Variants in PROX2 observed in about 807,000 individuals in gnomAD.
PROX2 encodes the protein prospero homeobox protein 2.
PROX2 carries 46 observed loss-of-function variants against 48.9 expected under a neutral mutation model. The observed-to-expected ratio is 0.94, with a 90% CI of 0.74 to 1.20. PROX2 has a LOEUF of 1.20. Ranked by LOEUF, PROX2 falls within the 50% of genes most tolerant of loss-of-function variation. PROX2 has a pLI of 0.00. For missense variants in PROX2, 663 were observed against 719.4 expected, an observed-to-expected ratio of 0.92 and a Z score of 0.90; for synonymous variants, 260 against 276.6, an observed-to-expected ratio of 0.94 and a Z score of 0.60.
rs2091822620 is a variant in PROX2, at chr14:74,863,874, T to C, written c.-40A>G. 2 of 1,448,472 alleles carry C rather than the reference T, an allele frequency of 1.4e-6. No individual in the cohort carries two copies. Among genetic ancestry groups the C allele is most frequent in the Non-Finnish European group, 1.8e-6 (2 of 1,108,332 alleles). The allele number at this position is 1,448,472 out of a possible 1,614,324, so 89.7% of individuals were successfully genotyped here. Reference sequence around the variant, plus strand: ...CAGGGCTTCAGGAATTCCTCCTCCTTATTTCCTCAGCTGGAAGTGCACCCA... The same window carrying C: ...CAGGGCTTCAGGAATTCCTCCTCCTCATTTCCTCAGCTGGAAGTGCACCCA... On this transcript the variant is annotated 5_prime_UTR_variant, in exon 3 of 6. It adds an upstream start codon to the 5' untranslated region. Coordinates refer to ENST00000556489, the MANE Select transcript of PROX2 (RefSeq NM_001243007.2).
chr14:74,855,640 CT>C, intron 5 of PROX2: 1 of 186,842 alleles, frequency 5.4e-6, no homozygotes, highest in Non-Finnish European at 1.1e-5. Flanking sequence ...CTTCGGTATT[CT>C]TTTCCCTAGT....
rs993136192 is a variant in PROX2, at chr14:74,863,957, G to A, written c.-123C>T. ...AGGGTAAAGAGCCACTGTCACTGAG[G>A]AAGGATTCAGATTCTGGGATGCCAG... On this transcript the variant is annotated 5_prime_UTR_variant, in exon 3 of 6. Coordinates refer to ENST00000556489, the MANE Select transcript of PROX2 (RefSeq NM_001243007.2). 5 of 1,217,312 alleles carry A rather than the reference G, an allele frequency of 4.1e-6. No individual in the cohort carries two copies. The highest frequency in any genetic ancestry group is 1.6e-5 in the African/African-American group (1 of 64,186). The allele number at this position is 1,217,312 out of a possible 1,614,324, so 75.4% of individuals were successfully genotyped here. A position where few individuals can be genotyped will look rare whatever the true frequency, so the allele number is the denominator to read the frequency against.
At chr14:74,856,623 C>G in intron 5 of PROX2, 178 bp downstream of exon 5, 1 of 591,978 alleles carries the variant, frequency 1.7e-6, no homozygotes, top group Non-Finnish European at 3.0e-6. Context: ...GCTGCTTCCA[C>G]CTGTTGCCCA....
rs575076500 is a variant in PROX2, at chr14:74,853,594, T to A, written c.*1538A>T. 6.6e-4 allele frequency: 101 copies of A among 152,330 alleles called. No individual in the cohort carries two copies. The highest frequency in any genetic ancestry group is 2.4e-3 in the African/African-American group (99 of 41,570). 9.4% of individuals were successfully genotyped at this position (152,330 alleles called of 1,614,324 possible). Reference sequence around the variant, plus strand: ...CTTTCATACTTTTTATGCTGATAGTTCTAGTAATAGTTTAGGGATTTTATC... The same window carrying A: ...CTTTCATACTTTTTATGCTGATAGTACTAGTAATAGTTTAGGGATTTTATC... On this transcript the variant is annotated 3_prime_UTR_variant, in exon 6 of 6. Transcript: ENST00000556489.
chr14:74,862,857 C>T lies in PROX2; in HGVS notation c.978G>A (p.Gln326=), dbSNP rs1227092633. ...TCAAGGGAAAGTTTGCTGGGGGATCCTGACAGGGTTTGGGGGTCATTCTTG... is the reference window on the plus strand; with the variant it reads ...TCAAGGGAAAGTTTGCTGGGGGATCTTGACAGGGTTTGGGGGTCATTCTTG... ...IPPRMTPKPC[Q]DPPANFPLTA... Residue 326 remains glutamine (Q), a synonymous_variant, in exon 3 of 6, where the codon CAG becomes CAA. Transcript: ENST00000556489. The T allele has an allele frequency of 1.2e-6, 2 of 1,613,864 alleles. No homozygotes were observed. Among genetic ancestry groups the T allele is most frequent in the Admixed American group, 1.7e-5 (1 of 60,024 alleles).
Position 74,862,674 on chromosome 14 carries a change from C to T in PROX2, c.1161G>A (p.Pro387=), listed in dbSNP as rs747207210. The T allele has an allele frequency of 9.3e-6, 15 of 1,613,852 alleles. No homozygotes were observed. Among genetic ancestry groups the T allele is most frequent in the Middle Eastern group, 1.6e-4 (1 of 6,084 alleles). Residue 387 remains proline (P), a synonymous_variant, in exon 3 of 6, where the codon CCG becomes CCA. Transcript: ENST00000556489. ...GCTGCTGGCTCAGGACCAATGGTTG[C>T]GGCTTAGTAGTTCTCCAAGGTCGTA... is the stretch of plus-strand genomic sequence containing the variant. The part of the protein sequence containing the change: ...PALRPWRTTK[P]QPLVLSQQQC...
chr14:74,858,535 A>G lies in PROX2; in HGVS notation c.1306-21T>C, dbSNP rs1342917079. On this transcript the variant is annotated intron_variant, in intron 3 of 5. Transcript: ENST00000556489. ...TGGATTTATCTCAGTGTCAAGGAAAATGAACACTTTAAAATGCCAGTTTAT... is the reference window on the plus strand; with the variant it reads ...TGGATTTATCTCAGTGTCAAGGAAAGTGAACACTTTAAAATGCCAGTTTAT... The G allele has an allele frequency of 3.0e-6, 4 of 1,326,274 alleles. No homozygotes were observed. The African/African-American group carries it at 5.8e-5, about 19-fold the overall frequency. The allele number at this position is 1,326,274 out of a possible 1,614,324, so 82.2% of individuals were successfully genotyped here.
At position 74,862,463 on chromosome 14, in the gene PROX2, G is replaced by A. The variant is rs1051082763; in HGVS notation, c.1305+67C>T. 1.4e-5 allele frequency: 21 copies of A among 1,538,232 alleles called. No individual in the cohort carries two copies. The Middle Eastern group carries it at 7.1e-4, about 52-fold the overall frequency. On this transcript the variant is annotated intron_variant, in intron 3 of 5. Coordinates refer to ENST00000556489, the MANE Select transcript of PROX2 (RefSeq NM_001243007.2). ...CCCACCTTGGCCTCCCAAAGCACTG[G>A]GATTACAAGCATGAGCCACACTGCA...
Position 74,862,937 on chromosome 14 carries a change from C to T in PROX2, c.898G>A (p.Val300Ile). ...RRVQLQAGVP[V>I]GNLSLAKRLD... The stretch of plus-strand genomic sequence containing the variant: ...CGCTTGGCCAGTGATAAATTTCCTA[C>T]TGGGACCCCAGCTTGTAGCTGGACC... Residue 300 changes from valine (V) to isoleucine (I), a missense_variant, in exon 3 of 6, where the codon GTA becomes ATA. Transcript: ENST00000556489. 1 of 1,613,962 alleles carries T rather than the reference C, an allele frequency of 6.2e-7. No homozygotes were observed. Among genetic ancestry groups the T allele is most frequent in the Non-Finnish European group, 8.5e-7 (1 of 1,179,852 alleles).
chr14:74,870,439 A>AAACACACACACACACAC (rs766736707), intron 2 of PROX2, among the ~76,000 whole-genome samples: 2 of 29,936 alleles, frequency 6.7e-5, no homozygotes, highest in Non-Finnish European at 6.1e-5. Flanking sequence ...AAAAAAAAAA[A>AAACACACACACACACAC]ATACACACAC....
chr14:74,868,196 G>C (rs1883112971), intron 2 of PROX2, among the ~76,000 whole-genome samples: 1 of 151,306 alleles, frequency 6.6e-6, no homozygotes, highest in African/African-American at 2.4e-5. Context: ...AATGTATTAA[G>C]AGGAAAAGAA....
At chr14:74,858,651 G>C in intron 3 of PROX2, 137 bp from the exon 4 acceptor site, 1 of 600,546 alleles carries the variant, frequency 1.7e-6, no homozygotes, top group East Asian at 2.8e-5. Context: ...CCATTTTTCT[G>C]TCTCTGGAAA....
rs774127039 is a variant in PROX2 at position 74,863,578 on chromosome 14, T to A, written c.257A>T (p.Asn86Ile). 6.2e-6 allele frequency: 10 copies of A among 1,612,876 alleles called. No homozygotes were observed. The highest frequency in any genetic ancestry group is 1.7e-4 in the Middle Eastern group (1 of 6,052). Residue 86 changes from asparagine (N) to isoleucine (I), a missense_variant, in exon 3 of 6, where the codon AAT becomes ATT. By Grantham distance (149) the Asn-to-Ile change is moderately radical (BLOSUM62 -3). Coordinates refer to ENST00000556489, the MANE Select transcript of PROX2 (RefSeq NM_001243007.2). ...GCGTGGGCTGACCCCAGCTTGCGCA[T>A]TGCCTGGCACCAGAGGATTCGGGGA... Reference protein sequence around the residue: ...CLSPNPLVPGNAQAGVSPRCP... With the variant: ...CLSPNPLVPGIAQAGVSPRCP...
intron 3 of PROX2, among the ~76,000 whole-genome samples, chr14:74,860,880 T>A (rs2091789771): frequency 6.6e-6 from 1 of 152,160 alleles, no homozygotes; most frequent in Non-Finnish European, 1.5e-5. Context: ...TCTGGGAGAC[T>A]GAGGTGTTTT....
intron 5 of PROX2, 69 bp from the exon 6 acceptor site, chr14:74,855,371 C>T (rs1162147606): frequency 1.5e-6 from 2 of 1,314,402 alleles, no homozygotes; most frequent in African/African-American, 2.9e-5. Flanking sequence ...CCAGAGCCCT[C>T]ACTAGCGGGT....
In PROX2 at chr14:74,863,174, C is replaced by T; in HGVS notation, c.661G>A (p.Ala221Thr). 1 of 1,614,056 alleles carries T rather than the reference C, an allele frequency of 6.2e-7. No individual in the cohort carries two copies. The highest frequency in any genetic ancestry group is 8.5e-7 in the Non-Finnish European group (1 of 1,179,896). The change falls in exon 3 of 6, where the codon GCT becomes ACT. Residue 221 changes from alanine to threonine, a missense_variant. By Grantham distance (58) the Ala-to-Thr change is moderately conservative. Transcript: ENST00000556489. ...KPSFLPSGAP[A>T]SLEILRKELT... ...TCTTTCCTCAGAATCTCTAGTGAAG[C>T]TGGTGCTCCAGAAGGAAGGAAACTG... is the stretch of plus-strand genomic sequence containing the variant.
chr14:74,873,205 A>G (rs186724911), intron 1 of PROX2, among the ~76,000 whole-genome samples: 78 of 152,120 alleles, frequency 5.1e-4, no homozygotes, highest in Non-Finnish European at 7.4e-4. Flanking sequence ...GGATGGTCTC[A>G]ATCTCCTGAT....
At chr14:74,874,802 C>T (rs866539012) in intron 1 of PROX2, among the ~76,000 whole-genome samples, 14 of 152,076 alleles carry the variant, frequency 9.2e-5, no homozygotes, top group African/African-American at 3.4e-4. Flanking sequence ...ACTTTTATTT[C>T]CTCTTTAAAA....
At position 74,863,363 on chromosome 14, in the gene PROX2, C is replaced by T. The variant is rs1000777150; in HGVS notation, c.472G>A (p.Asp158Asn). ...EHILQAAKPR[D>N]TAQGPGGCGT... ...CAGCCTCCTGGCCCCTGAGCTGTGT[C>T]CCTGGGCTTGGCAGCCTGTAGGATG... Residue 158 changes from aspartate to asparagine, a missense_variant, in exon 3 of 6, where the codon GAC (aspartate) becomes AAC (asparagine). Coordinates refer to ENST00000556489, the MANE Select transcript of PROX2 (RefSeq NM_001243007.2). 5 of 1,614,026 alleles carry T rather than the reference C, an allele frequency of 3.1e-6. No homozygotes were observed. Among genetic ancestry groups the T allele is most frequent in the East Asian group, 4.5e-5 (2 of 44,880 alleles).
Sources: allele counts gnomAD v4.1 joint callset (sites outside exome capture counted in the v4.1 genomes callset), GRCh38; gene constraint gnomAD v4.1.1; transcripts MANE v1.5; gene names NCBI Gene and HGNC (gene_info 2026-07-23, HGNC 2026-07-21).